Variants in AARS1 observed in about 807,000 individuals in gnomAD.
AARS1 encodes alanine--tRNA ligase, cytoplasmic.
AARS1 carries 72 observed loss-of-function variants against 108.9 expected under a neutral mutation model. The observed-to-expected ratio is 0.66, with a 90% CI of 0.55 to 0.80. The LOEUF (loss-of-function observed/expected upper bound fraction) is 0.80. Ranked by LOEUF, AARS1 falls within the 30% of genes least tolerant of loss-of-function variation. The pLI is 0.00. For missense variants in AARS1, 1,193 were observed against 1,233.2 expected, an observed-to-expected ratio of 0.97 and a Z score of 0.49; for synonymous variants, 489 against 465.7, an observed-to-expected ratio of 1.05 and a Z score of -0.64.
intron 14 of AARS1, 122 bp from the exon 15 acceptor site, chr16:70,258,339 G>T: frequency 9.8e-7 from 1 of 1,017,558 alleles, no homozygotes. Flanking sequence ...CCTAGCACGT[G>T]CCATGAGCTT....
intron 13 of AARS1, 38 bp from the exon 14 acceptor site, chr16:70,259,224 TAGAC>T: frequency 6.3e-7 from 1 of 1,584,098 alleles, no homozygotes; most frequent in Non-Finnish European, 8.7e-7. Flanking sequence ...AGGTCTGTAA[TAGAC>T]TGCTAGTTAT....
In AARS1 at chr16:70,268,308, A is replaced by G. The variant is rs1417167029; in HGVS notation, c.1034T>C (p.Phe345Ser). 3 of 1,614,200 alleles carry G rather than the reference A, an allele frequency of 1.9e-6. No individual in the cohort carries two copies. The highest frequency in any genetic ancestry group is 1.7e-5 in the Admixed American group (1 of 60,020). ...AHEKLNASRG[F>S]FATLVDVVVQ... ...GACAACATCCACTAACGTAGCAAAG[A>G]AGCCCCTGCTGGCATTGAGCTTTTC... The change falls in exon 8 of 21, where the codon TTC becomes TCC. Residue 345 changes from phenylalanine (F) to serine (S), a missense_variant. Phe to Ser is a radical substitution (Grantham distance 155, BLOSUM62 -2). Transcript: ENST00000261772.
At chr16:70,287,120 G>C (rs1398903071) in intron 1 of AARS1, among the ~76,000 whole-genome samples, 1 of 151,552 alleles carries the variant, frequency 6.6e-6, no homozygotes, top group African/African-American at 2.4e-5. Context: ...GCGTGGTAGC[G>C]GGCGCCTGTA....
At position 70,268,375 on chromosome 16, in the gene AARS1, C is replaced by A. The variant is rs2152160767; in HGVS notation, c.967G>T (p.Val323Leu). ...GRPDNTGRGY[V>L]LRRILRRAVR... Reference sequence around the variant, plus strand: ...GCTCGGCGGAGAATCCGTCTCAACACATATCTGTAAGAGGCAAAAACTAGT... The same window carrying A: ...GCTCGGCGGAGAATCCGTCTCAACAAATATCTGTAAGAGGCAAAAACTAGT... The change falls in exon 8 of 21, where the codon GTG becomes TTG. Residue 323 changes from valine to leucine, a missense_variant. By Grantham distance (32) the Val-to-Leu change is conservative. Transcript: ENST00000261772. 3.1e-6 allele frequency: 5 copies of A among 1,614,076 alleles called. No homozygotes were observed. Among genetic ancestry groups the A allele is most frequent in the Non-Finnish European group, 4.2e-6 (5 of 1,179,942 alleles).
At chr16:70,270,381 A>G in intron 5 of AARS1, 41 bp from the exon 6 acceptor site, 1 of 1,612,618 alleles carries the variant, frequency 6.2e-7, no homozygotes. Flanking sequence ...GCAGAGACTC[A>G]AGCTGCCACC....
chr16:70,254,825 G>A (rs1959939930), intron 16 of AARS1, 91 bp from the exon 17 acceptor site: 2 of 846,676 alleles, frequency 2.4e-6, no homozygotes, highest in East Asian at 2.6e-5. Flanking sequence ...CCCGGCGGTA[G>A]GCCTTGCAGC....
intron 15 of AARS1, among the ~76,000 whole-genome samples, chr16:70,257,174 T>G (rs1013590914): frequency 2.2e-4 from 33 of 151,634 alleles, no homozygotes; most frequent in African/African-American, 8.0e-4. Context: ...GCTTGAACCC[T>G]GGAGGTGGAG....
In AARS1 at chr16:70,252,570, C is replaced by T. The variant is rs2152149194; in HGVS notation, c.*151G>A. The T allele has an allele frequency of 1.2e-6, 1 of 815,406 alleles. No homozygotes were observed. Among genetic ancestry groups the T allele is most frequent in the Non-Finnish European group, 2.0e-6 (1 of 500,410 alleles). The allele number at this position is 815,406 out of a possible 1,614,324, so 50.5% of individuals were successfully genotyped here. A position where few individuals can be genotyped will look rare whatever the true frequency, so the allele number is the denominator to read the frequency against. On this transcript the variant is annotated 3_prime_UTR_variant, in exon 21 of 21. Transcript: ENST00000261772. ...GGGCTCAGGGCAGAAATTTAAGGGGCACTGAGACATAGGACTGCTCCCAAG... is the reference window on the plus strand; with the variant it reads ...GGGCTCAGGGCAGAAATTTAAGGGGTACTGAGACATAGGACTGCTCCCAAG...
intron 1 of AARS1, among the ~76,000 whole-genome samples, 153 bp downstream of exon 1, chr16:70,289,268 C>T (rs894509372): frequency 3.3e-5 from 5 of 152,136 alleles, no homozygotes; most frequent in African/African-American, 1.2e-4. Flanking sequence ...GAACGCAAGG[C>T]CACACTGTCC....
chr16:70,262,325 A>G, intron 12 of AARS1, 21 bp downstream of exon 12: 1 of 1,614,074 alleles, frequency 6.2e-7, no homozygotes, highest in African/African-American at 1.3e-5. Context: ...CTCGGCTAAC[A>G]AGGAAGAACT....
intron 1 of AARS1, among the ~76,000 whole-genome samples, chr16:70,285,232 A>T (rs1305597005): frequency 2.0e-5 from 3 of 152,040 alleles, no homozygotes; most frequent in African/African-American, 4.8e-5. Context: ...CCGTCTAAAA[A>T]AAAAAAAAAA....
Position 70,269,677 on chromosome 16 carries a change from G to T in AARS1, c.903C>A (p.His301Gln). Residue 301 changes from histidine to glutamine, a missense_variant, in exon 7 of 21, where the codon CAC (histidine) becomes CAA (glutamine). His to Gln is a conservative substitution (Grantham distance 24). Coordinates refer to ENST00000261772, the MANE Select transcript of AARS1 (RefSeq NM_001605.3). Reference protein sequence around the residue: ...IDMAYRVLADHARTITVALAD... With the variant: ...IDMAYRVLADQARTITVALAD... The stretch of plus-strand genomic sequence containing the variant: ...CCAGTGCCACAGTGATGGTCCGAGC[G>T]TGGTCAGCCAGCACCCGGTAGGCCA... The T allele has an allele frequency of 6.2e-7, 1 of 1,613,838 alleles. No individual in the cohort carries two copies. The highest frequency in any genetic ancestry group is 8.5e-7 in the Non-Finnish European group (1 of 1,179,972).
intron 4 of AARS1, chr16:70,275,936 C>CAAAAAAAAAAAAAAAAA (rs59002209): frequency 2.6e-5 from 1 of 37,924 alleles, no homozygotes; most frequent in African/African-American, 1.1e-4. Context: ...GACTCCATCT[C>CAAAAAAAAAAAAAAAAA]AAAAAAAAAA....
At chr16:70,260,625 C>A (rs1243680721) in intron 13 of AARS1, among the ~76,000 whole-genome samples, 1 of 150,196 alleles carries the variant, frequency 6.7e-6, no homozygotes, top group Non-Finnish European at 1.5e-5. Context: ...CTAAATTAAC[C>A]CCTGCGGTCT....
Position 70,271,877 on chromosome 16 carries a change from T to C in AARS1, c.575A>G (p.Tyr192Cys). The C allele has an allele frequency of 6.2e-7, 1 of 1,613,974 alleles. No individual in the cohort carries two copies. The highest frequency in any genetic ancestry group is 2.2e-5 in the East Asian group (1 of 44,864). The change falls in exon 5 of 21, where the codon TAC becomes TGC. Residue 192 changes from tyrosine (Y) to cysteine (C), a missense_variant. Coordinates refer to ENST00000261772, the MANE Select transcript of AARS1 (RefSeq NM_001605.3). ...GPCGPCSEIH[Y>C]DRIGGRDAAH... ...GGCGTCCCGACCACCAATCCGGTCGTAGTGGATCTCACTGCAAGGACCACA... is the reference window on the plus strand; with the variant it reads ...GGCGTCCCGACCACCAATCCGGTCGCAGTGGATCTCACTGCAAGGACCACA...
intron 14 of AARS1, among the ~76,000 whole-genome samples, chr16:70,258,632 C>A (rs1960054692): frequency 6.6e-6 from 1 of 152,040 alleles, no homozygotes; most frequent in Non-Finnish European, 1.5e-5. Context: ...ATGGCGCAAT[C>A]TCGGCTCACT....
intron 1 of AARS1, among the ~76,000 whole-genome samples, chr16:70,285,386 C>T (rs1252382655): frequency 6.6e-6 from 1 of 152,114 alleles, no homozygotes; most frequent in Non-Finnish European, 1.5e-5. Flanking sequence ...CTCAAGTAAT[C>T]CTCCTGCCTC....
intron 1 of AARS1, among the ~76,000 whole-genome samples, chr16:70,285,462 T>G (rs1412631918): frequency 6.6e-6 from 1 of 151,996 alleles, no homozygotes; most frequent in Non-Finnish European, 1.5e-5. Flanking sequence ...TTTTTTTTCT[T>G]TTTTGAGACA....
intron 15 of AARS1, among the ~76,000 whole-genome samples, 170 bp from the exon 16 acceptor site, chr16:70,256,006 T>C (rs554628259): frequency 4.3e-4 from 66 of 152,318 alleles, no homozygotes; most frequent in African/African-American, 1.6e-3. Flanking sequence ...CTGAGTGTTC[T>C]CAGTTCTCAA....
Sources: allele counts gnomAD v4.1 joint callset (sites outside exome capture counted in the v4.1 genomes callset), GRCh38; gene constraint gnomAD v4.1.1; transcripts MANE v1.5; gene names NCBI Gene and HGNC (gene_info 2026-07-23, HGNC 2026-07-21).